The following MSANTD1 variants were observed in gnomAD, a reference collection of about 807,000 sequenced individuals.
MSANTD1 encodes myb/SANT-like DNA-binding domain-containing protein 1.
MSANTD1 carries 7 observed loss-of-function variants against 24.2 expected under a neutral mutation model. The ratio of observed to expected loss-of-function variants is 0.29; its 90% CI spans 0.16 to 0.54. The LOEUF (loss-of-function observed/expected upper bound fraction) is 0.54. MSANTD1 is among the 20% of genes least tolerant of loss of function. The pLI, the probability that MSANTD1 is intolerant of heterozygous loss-of-function variation, is 0.94. For synonymous variants in MSANTD1, 177 were observed against 181.1 expected (o/e 0.98, Z 0.18); for missense variants, 384 against 408.2 (o/e 0.94, Z 0.51).
intron 1 of MSANTD1, among the ~76,000 whole-genome samples, chr4:3,249,856 G>A (rs748920274): frequency 3.7e-4 from 57 of 152,180 alleles, no homozygotes; most frequent in Non-Finnish European, 6.9e-4. Context: ...ACGTATGGGC[G>A]GTCTGGGCAC....
chr4:3,249,435 C>T lies in MSANTD1; in HGVS notation c.213C>T (p.Asn71=), dbSNP rs143238822. 1.4e-5 allele frequency: 23 copies of T among 1,609,874 alleles called. No homozygotes were observed. The highest frequency in any genetic ancestry group is 9.3e-5 in the African/African-American group (7 of 74,922). ...ACGAGCTCAAGCAGACCAAGCGCAA[C>T]GCCAAGGTGTACGAGAAGATGGCCA... is the stretch of plus-strand genomic sequence containing the variant. ...FFDELKQTKR[N]AKVYEKMASK... Residue 71 remains asparagine (N), a synonymous_variant, in exon 1 of 3, where the codon AAC becomes AAT. Coordinates refer to ENST00000438480, the MANE Select transcript of MSANTD1 (RefSeq NM_001042690.2).
At chr4:3,248,499 C>A (rs541707795), upstream of MSANTD1, 1 of 152,560 alleles carries the variant, frequency 6.6e-6, no homozygotes, top group Non-Finnish European at 1.5e-5. Context: ...CCTCACCGGC[C>A]GGTGCCAGAG....
chr4:3,250,401 G>T (rs912188556), intron 1 of MSANTD1, among the ~76,000 whole-genome samples: 4 of 152,232 alleles, frequency 2.6e-5, no homozygotes, highest in East Asian at 1.9e-4. Flanking sequence ...ATCTTAAAGT[G>T]CGTGGGTCCC....
intron 2 of MSANTD1, 42 bp from the exon 3 acceptor site, chr4:3,255,683 G>T: frequency 2.0e-6 from 3 of 1,488,674 alleles, no homozygotes; most frequent in Middle Eastern, 2.4e-4. Context: ...GTGTGCCCAG[G>T]CTCTGTGGCC....
At chr4:3,251,088 G>T (rs1001716080) in intron 1 of MSANTD1, among the ~76,000 whole-genome samples, 1 of 152,234 alleles carries the variant, frequency 6.6e-6, no homozygotes, top group African/African-American at 2.4e-5. Context: ...GGCTTGCGAC[G>T]TGAGGGCTGA....
At chr4:3,254,679 G>A (rs1194122958) in intron 2 of MSANTD1, among the ~76,000 whole-genome samples, 2 of 152,192 alleles carry the variant, frequency 1.3e-5, no homozygotes, top group African/African-American at 4.8e-5. Flanking sequence ...CCCTACCCCA[G>A]CAGCAGAGCT....
At position 3,249,484 on chromosome 4, in the gene MSANTD1, G is replaced by A. The variant is rs1387779853; in HGVS notation, c.262G>A (p.Glu88Lys). The stretch of plus-strand genomic sequence containing the variant: ...CAGCAAGCTCTTCGAGATGACCGGC[G>A]AGCGCAGGCTGGGCGAGGAGATCAA... Reference protein sequence around the residue: ...MASKLFEMTGERRLGEEIKIK... With the variant: ...MASKLFEMTGKRRLGEEIKIK... The change falls in exon 1 of 3, where the codon GAG becomes AAG. Residue 88 changes from glutamate (E) to lysine (K), a missense_variant. Transcript: ENST00000438480. 2.5e-6 allele frequency: 4 copies of A among 1,612,114 alleles called. No individual in the cohort carries two copies. The highest frequency in any genetic ancestry group is 1.3e-5 in the African/African-American group (1 of 75,058).
At chr4:3,246,553 G>A, upstream of MSANTD1, 1 of 613,202 alleles carries the variant, frequency 1.6e-6, no homozygotes, top group Non-Finnish European at 2.9e-6. Flanking sequence ...ACCAGGGACA[G>A]CTCCTGCCGA....
At chr4:3,248,137 A>G (rs1722091138), upstream of MSANTD1, 1 of 152,268 alleles carries the variant, frequency 6.6e-6, no homozygotes, top group African/African-American at 2.4e-5. Flanking sequence ...TGCATGTGTT[A>G]CGTTTCGGGT....
In MSANTD1 at chr4:3,253,179, C is replaced by T. The variant is rs749269546; in HGVS notation, c.321-28C>T. ...GGGGCTGGGCCAGCTCTGTTTCTCA[C>T]CCTTGGCTCTTGTGTCTCTCGTTTC... On this transcript the variant is annotated intron_variant, in intron 1 of 2. Coordinates refer to ENST00000438480, the MANE Select transcript of MSANTD1 (RefSeq NM_001042690.2). 5 of 1,522,242 alleles carry T rather than the reference C, an allele frequency of 3.3e-6. No individual in the cohort carries two copies. The South Asian group carries it at 4.0e-5, about 12-fold the overall frequency. 94.3% of individuals were successfully genotyped at this position (1,522,242 alleles called of 1,614,324 possible). A position where few individuals can be genotyped will look rare whatever the true frequency, so the allele number is the denominator to read the frequency against.
upstream of MSANTD1, chr4:3,244,980 C>A (rs1470979471): frequency 6.6e-6 from 1 of 152,284 alleles, no homozygotes; most frequent in Non-Finnish European, 1.5e-5. Flanking sequence ...CACTTGAGCT[C>A]CCTAAATCTG....
At chr4:3,249,613 C>T in intron 1 of MSANTD1, 71 bp downstream of exon 1, 1 of 1,425,102 alleles carries the variant, frequency 7.0e-7, no homozygotes, top group Non-Finnish European at 9.6e-7. Flanking sequence ...TCCTGACTTT[C>T]TTGGAGCTCT....
Position 3,256,057 on chromosome 4 carries a change from G to A in MSANTD1, c.*92G>A, listed in dbSNP as rs139583175. ...CCACTCAGGCCAGGCGGGCAAGGGG[G>A]CCGCCCCGCGAGCGGAGACCGCCTT... On this transcript the variant is annotated 3_prime_UTR_variant, in exon 3 of 3. Transcript: ENST00000438480. 70 of 1,376,294 alleles carry A rather than the reference G, an allele frequency of 5.1e-5. No homozygotes were observed. Among genetic ancestry groups the A allele is most frequent in the Middle Eastern group, 2.7e-4 (1 of 3,714 alleles). The allele number at this position is 1,376,294 out of a possible 1,614,324, so 85.3% of individuals were successfully genotyped here. A position where few individuals can be genotyped will look rare whatever the true frequency, so the allele number is the denominator to read the frequency against.
chr4:3,244,715 C>G (rs1721966294), upstream of MSANTD1: 1 of 152,256 alleles, frequency 6.6e-6, no homozygotes, highest in Admixed American at 6.5e-5. Flanking sequence ...GTGGCTTCCT[C>G]TGGTGCAGGG....
At chr4:3,249,125 C>T (rs758546665), upstream of MSANTD1, 15 of 1,127,590 alleles carry the variant, frequency 1.3e-5, no homozygotes, top group Middle Eastern at 3.2e-4. Flanking sequence ...TGACGTTTCC[C>T]GTTTAAAAGC....
intron 2 of MSANTD1, 46 bp downstream of exon 2, chr4:3,253,528 C>G: frequency 6.9e-7 from 1 of 1,446,994 alleles, no homozygotes; most frequent in Non-Finnish European, 9.1e-7. Context: ...TATCTCAGCC[C>G]CCACCATTTA....
Position 3,249,489 on chromosome 4 carries a change from C to A in MSANTD1, c.267C>A (p.Arg89=). Residue 89 remains arginine (R), a synonymous_variant, in exon 1 of 3, where the codon CGC becomes CGA. Coordinates refer to ENST00000438480, the MANE Select transcript of MSANTD1 (RefSeq NM_001042690.2). The part of the protein sequence containing the change: ...ASKLFEMTGE[R]RLGEEIKIKI... ...AGCTCTTCGAGATGACCGGCGAGCG[C>A]AGGCTGGGCGAGGAGATCAAGATCA... 1 of 1,612,110 alleles carries A rather than the reference C, an allele frequency of 6.2e-7. No homozygotes were observed. Among genetic ancestry groups the A allele is most frequent in the Non-Finnish European group, 8.5e-7 (1 of 1,179,700 alleles).
intron 1 of MSANTD1, among the ~76,000 whole-genome samples, chr4:3,250,816 C>G (rs1440751431): frequency 1.3e-5 from 2 of 152,200 alleles, no homozygotes; most frequent in Admixed American, 1.3e-4. Context: ...ACCCCCACTG[C>G]CCCCCTCAGG....
At chr4:3,244,541 A>T (rs1337905019), upstream of MSANTD1, 1 of 152,206 alleles carries the variant, frequency 6.6e-6, no homozygotes, top group Admixed American at 6.5e-5. Flanking sequence ...CGTCTATTCT[A>T]GCTTGTTTGT....
Sources: allele counts gnomAD v4.1 joint callset (sites outside exome capture counted in the v4.1 genomes callset), GRCh38; gene constraint gnomAD v4.1.1; transcripts MANE v1.5; gene names NCBI Gene and HGNC (gene_info 2026-07-23, HGNC 2026-07-21).